BRINP2: variants seen among roughly 807,000 people sequenced by gnomAD.
BRINP2 encodes the protein BMP/retinoic acid inducible neural specific 2, also known as BMP/retinoic acid-inducible neural-specific protein 2.
BRINP2 carries 21 observed loss-of-function variants against 69.2 expected under a neutral mutation model. The ratio of observed to expected loss-of-function variants is 0.30; its 90% CI spans 0.22 to 0.44. The LOEUF (loss-of-function observed/expected upper bound fraction) is 0.44, where lower values mean the gene tolerates loss of function less well. Ranked by LOEUF, BRINP2 falls within the 20% of genes least tolerant of loss-of-function variation. The probability of loss-of-function intolerance (pLI) is 1.00; values close to 1 mark genes in which losing one functional copy is unlikely to be tolerated. For missense variants in BRINP2, 877 were observed against 986.0 expected (o/e 0.89, Z 1.48); for synonymous variants, 380 against 394.1 (o/e 0.96, Z 0.42).
chr1:177,257,792 G>C (rs988898605), intron 4 of BRINP2, among the ~76,000 whole-genome samples: 3 of 152,214 alleles, frequency 2.0e-5, no homozygotes, highest in Non-Finnish European at 2.9e-5. Context: ...GGGCACTTTG[G>C]GGTTTAGACT....
At chr1:177,252,786 C>CT (rs1244265746) in intron 2 of BRINP2, among the ~76,000 whole-genome samples, 4 of 152,074 alleles carry the variant, frequency 2.6e-5, no homozygotes, top group Non-Finnish European at 5.9e-5. Flanking sequence ...ATGAGATCAA[C>CT]TTTTTTAGAC....
At chr1:177,194,437 G>A (rs1039997482) in intron 1 of BRINP2, among the ~76,000 whole-genome samples, 5 of 152,126 alleles carry the variant, frequency 3.3e-5, no homozygotes, top group Non-Finnish European at 5.9e-5. Flanking sequence ...GTCCAGACGA[G>A]GACACTGTGC....
intron 4 of BRINP2, among the ~76,000 whole-genome samples, chr1:177,272,631 G>A (rs1464782224): frequency 6.6e-6 from 1 of 152,244 alleles, no homozygotes; most frequent in Non-Finnish European, 1.5e-5. Flanking sequence ...ATCAGAGTGG[G>A]CTTCACGATT....
intron 1 of BRINP2, among the ~76,000 whole-genome samples, chr1:177,177,142 G>A (rs562541910): frequency 7.9e-5 from 12 of 152,220 alleles, no homozygotes; most frequent in Admixed American, 1.3e-4. Context: ...TTAGCTGGGC[G>A]TGGTGGTGCA....
chr1:177,175,410 A>G (rs1215943195), intron 1 of BRINP2, among the ~76,000 whole-genome samples: 1 of 151,960 alleles, frequency 6.6e-6, no homozygotes. Context: ...AGGGCCCACC[A>G]GGAGAGAGCT....
In BRINP2 at chr1:177,255,425, T is replaced by G. The variant is rs147011889; in HGVS notation, c.270-494T>G. Among the ~76,000 whole-genome samples, 11 of 152,324 alleles carry G rather than the reference T, an allele frequency of 7.2e-5. No homozygotes were observed. In the East Asian group the frequency reaches 2.1e-3, roughly 29 times the overall value. ...AAGCCACATGTACAAATATGGGGATTCAATAATTTTTAACAGTATGAAGGG... is the reference window on the plus strand; with the variant it reads ...AAGCCACATGTACAAATATGGGGATGCAATAATTTTTAACAGTATGAAGGG... On this transcript the variant is annotated intron_variant, in intron 2 of 7. Coordinates refer to ENST00000361539, the MANE Select transcript of BRINP2 (RefSeq NM_021165.4).
At chr1:177,219,384 G>A (rs930588245) in intron 1 of BRINP2, among the ~76,000 whole-genome samples, 1 of 152,178 alleles carries the variant, frequency 6.6e-6, no homozygotes, top group African/African-American at 2.4e-5. Context: ...TTAGTGGTGG[G>A]TGTCTTGGAC....
Position 177,257,328 on chromosome 1 carries a change from A to C in BRINP2, c.613A>C (p.Arg205=), listed in dbSNP as rs1650800627. Reference sequence around the variant, plus strand: ...GCTGGCCGCCTCCTACTTCATCGACAGAGAGAGCACGCTGCGACGGCTGCA... The same window carrying C: ...GCTGGCCGCCTCCTACTTCATCGACCGAGAGAGCACGCTGCGACGGCTGCA... ...HQLAASYFID[R]ESTLRRLHHI... Residue 205 remains arginine (R), a synonymous_variant, in exon 4 of 8, where the codon AGA becomes CGA. Coordinates refer to ENST00000361539, the MANE Select transcript of BRINP2 (RefSeq NM_021165.4). 6.2e-7 allele frequency: 1 copy of C among 1,614,044 alleles called. No homozygotes were observed. Among genetic ancestry groups the C allele is most frequent in the African/African-American group, 1.3e-5 (1 of 75,010 alleles).
chr1:177,256,220 C>A, intron 3 of BRINP2, 111 bp downstream of exon 3: 1 of 1,427,862 alleles, frequency 7.0e-7, no homozygotes, highest in Non-Finnish European at 9.3e-7. Flanking sequence ...CCTTTTATTG[C>A]CTGAGAAGTC....
At chr1:177,267,283 GTTA>G (rs1651159931) in intron 4 of BRINP2, among the ~76,000 whole-genome samples, 1 of 152,176 alleles carries the variant, frequency 6.6e-6, no homozygotes, top group Admixed American at 6.5e-5. Flanking sequence ...ATACTCCCAG[GTTA>G]TTCTTTTTGT....
chr1:177,267,704 G>C (rs559137454), intron 4 of BRINP2, among the ~76,000 whole-genome samples: 1 of 152,294 alleles, frequency 6.6e-6, no homozygotes, highest in African/African-American at 2.4e-5. Context: ...GGCTTGCATA[G>C]TCATAACTAT....
chr1:177,205,619 A>C (rs1467958772), intron 1 of BRINP2, among the ~76,000 whole-genome samples: 1 of 152,206 alleles, frequency 6.6e-6, no homozygotes, highest in Non-Finnish European at 1.5e-5. Context: ...TAGCAGGCTG[A>C]CCACACAGGC....
chr1:177,181,959 C>G (rs1239565486), intron 1 of BRINP2, among the ~76,000 whole-genome samples: 1 of 152,208 alleles, frequency 6.6e-6, no homozygotes, highest in African/African-American at 2.4e-5. Context: ...TCCTAAAACC[C>G]TTATCTGTAA....
At chr1:177,221,371 T>A (rs904547120) in intron 1 of BRINP2, among the ~76,000 whole-genome samples, 1 of 152,172 alleles carries the variant, frequency 6.6e-6, no homozygotes, top group Non-Finnish European at 1.5e-5. Flanking sequence ...AATTTTACCA[T>A]TGACACACAT....
chr1:177,201,544 T>A (rs1392141133), intron 1 of BRINP2, among the ~76,000 whole-genome samples: 5 of 152,198 alleles, frequency 3.3e-5, no homozygotes, highest in African/African-American at 1.2e-4. Context: ...ACTGAAAATT[T>A]TTTGCTTGAA....
intron 1 of BRINP2, among the ~76,000 whole-genome samples, chr1:177,180,245 T>A (rs2102288237): frequency 6.6e-6 from 1 of 152,342 alleles, no homozygotes; most frequent in East Asian, 1.9e-4. Flanking sequence ...ATTCAGACTC[T>A]GGGCTCTTGC....
rs1407853958 is a variant in BRINP2 at position 177,191,041 on chromosome 1, G to A, written c.-77+19309G>A. Among the ~76,000 whole-genome samples the A allele has an allele frequency of 2.0e-5, 3 of 152,082 alleles. No homozygotes were observed. In the East Asian group the frequency reaches 5.8e-4, roughly 29 times the overall value. On this transcript the variant is annotated intron_variant, in intron 1 of 7. Coordinates refer to ENST00000361539, the MANE Select transcript of BRINP2 (RefSeq NM_021165.4). ...CCCCAACACATTCATATTGCAAAGGGCCCTGGCTGTGTCATCAACTCTCCA... is the reference window on the plus strand; with the variant it reads ...CCCCAACACATTCATATTGCAAAGGACCCTGGCTGTGTCATCAACTCTCCA...
chr1:177,263,473 C>G (rs888403947), intron 4 of BRINP2, among the ~76,000 whole-genome samples: 6 of 152,182 alleles, frequency 3.9e-5, no homozygotes, highest in Non-Finnish European at 7.3e-5. Context: ...TTCCTTACTT[C>G]CATGCCCAGG....
intron 2 of BRINP2, among the ~76,000 whole-genome samples, chr1:177,251,680 C>T (rs1347485833): frequency 6.6e-6 from 1 of 152,052 alleles, no homozygotes; most frequent in Non-Finnish European, 1.5e-5. Context: ...AACCACTTAC[C>T]CTTTCTGTTT....
Sources: allele counts gnomAD v4.1 joint callset (sites outside exome capture counted in the v4.1 genomes callset), GRCh38; gene constraint gnomAD v4.1.1; transcripts MANE v1.5; gene names NCBI Gene and HGNC (gene_info 2026-07-23, HGNC 2026-07-21).